The following CHD6 variants were observed in gnomAD, a reference collection of about 807,000 sequenced individuals.
CHD6 encodes the protein chromodomain helicase DNA binding protein 6.
Under a neutral mutation model 276.9 loss-of-function variants are expected in CHD6, and 50 were observed. That is an observed-to-expected ratio of 0.18 (90% CI 0.14 to 0.23). The LOEUF (loss-of-function observed/expected upper bound fraction) is 0.23. Among genes scored for constraint, CHD6 ranks in the 10% least tolerant of loss-of-function variants. The probability of loss-of-function intolerance (pLI) is 1.00; values close to 1 mark genes in which losing one functional copy is unlikely to be tolerated. For synonymous variants in CHD6, 1,173 were observed against 1,229.3 expected (o/e 0.95, Z 0.96); for missense variants, 2,564 against 3,365.8 (o/e 0.76, Z 5.89).
chr20:41,585,141 G>A (rs992558138), intron 1 of CHD6, among the ~76,000 whole-genome samples: 2 of 152,164 alleles, frequency 1.3e-5, no homozygotes, highest in East Asian at 1.9e-4. Flanking sequence ...GCAAATTTCT[G>A]TATATAAATT....
At chr20:41,410,064 G>A (rs114120339) in intron 36 of CHD6, among the ~76,000 whole-genome samples, 5,552 of 152,294 alleles carry the variant, frequency 0.036, 116 homozygotes, top group Middle Eastern at 0.061. Context: ...CAGCACGTGT[G>A]GCAGAAGGGC....
chr20:41,462,687 T>C (rs1261372020), intron 17 of CHD6, among the ~76,000 whole-genome samples: 3 of 152,234 alleles, frequency 2.0e-5, no homozygotes, highest in African/African-American at 7.2e-5. Flanking sequence ...TGTGTATTTA[T>C]ATACACACAT....
chr20:41,519,586 A>G (rs1374307287), intron 3 of CHD6, among the ~76,000 whole-genome samples: 1 of 152,238 alleles, frequency 6.6e-6, no homozygotes, highest in African/African-American at 2.4e-5. Flanking sequence ...ACAATTCCCT[A>G]TTTAATAAAT....
chr20:41,553,905 T>G (rs757531872), intron 1 of CHD6, among the ~76,000 whole-genome samples: 2 of 152,346 alleles, frequency 1.3e-5, no homozygotes, highest in Non-Finnish European at 2.9e-5. Context: ...ATCCCAGCAC[T>G]TTGGGAGGCC....
chr20:41,570,659 C>T (rs892168242), intron 1 of CHD6, among the ~76,000 whole-genome samples: 2 of 152,210 alleles, frequency 1.3e-5, no homozygotes, highest in African/African-American at 2.4e-5. Context: ...TCTCTATGTA[C>T]AAGAATACCA....
chr20:41,521,588 T>C (rs1340443181), intron 3 of CHD6, among the ~76,000 whole-genome samples: 1 of 151,732 alleles, frequency 6.6e-6, no homozygotes, highest in Non-Finnish European at 1.5e-5. Context: ...TGTGTGTACA[T>C]ATATTCATAT....
intron 10 of CHD6, among the ~76,000 whole-genome samples, chr20:41,493,110 T>C (rs1310294598): frequency 6.6e-6 from 1 of 152,040 alleles, no homozygotes; most frequent in African/African-American, 2.4e-5. Flanking sequence ...GATCTGCAGA[T>C]AAAGGACAGT....
At chr20:41,599,948 G>A (rs989932718) in intron 1 of CHD6, among the ~76,000 whole-genome samples, 3 of 152,192 alleles carry the variant, frequency 2.0e-5, no homozygotes, top group Non-Finnish European at 2.9e-5. Flanking sequence ...CACAGAAACA[G>A]GAACTATATA....
intron 3 of CHD6, among the ~76,000 whole-genome samples, chr20:41,517,962 A>T (rs1444883656): frequency 6.6e-6 from 1 of 152,240 alleles, no homozygotes; most frequent in Non-Finnish European, 1.5e-5. Flanking sequence ...TGTTATTTGA[A>T]TCTCAAAATA....
chr20:41,549,545 AT>A (rs1295412947), intron 2 of CHD6, among the ~76,000 whole-genome samples: 1 of 145,240 alleles, frequency 6.9e-6, no homozygotes, highest in Admixed American at 6.8e-5. Flanking sequence ...CTAATGCTAA[AT>A]GATGAGTTAA....
At chr20:41,611,765 G>A (rs1185297906) in intron 1 of CHD6, among the ~76,000 whole-genome samples, 1 of 152,158 alleles carries the variant, frequency 6.6e-6, no homozygotes, top group African/African-American at 2.4e-5. Flanking sequence ...AGCCTCTGGT[G>A]TAGCTGGGAT....
At chr20:41,585,662 A>G (rs1034576929) in intron 1 of CHD6, among the ~76,000 whole-genome samples, 1 of 152,176 alleles carries the variant, frequency 6.6e-6, no homozygotes, top group Non-Finnish European at 1.5e-5. Context: ...GGAAGAAATA[A>G]TATCAATTTT....
intron 17 of CHD6, among the ~76,000 whole-genome samples, chr20:41,468,575 T>C (rs1282171967): frequency 6.6e-6 from 1 of 152,232 alleles, no homozygotes; most frequent in Non-Finnish European, 1.5e-5. Flanking sequence ...ACACCTGGCA[T>C]GTCCCAGTGA....
chr20:41,605,767 C>CAAAAA (rs11467155), intron 1 of CHD6, among the ~76,000 whole-genome samples: 1 of 151,710 alleles, frequency 6.6e-6, no homozygotes, highest in East Asian at 1.9e-4. Flanking sequence ...GTAAAATTGA[C>CAAAAA]AAAATTTCAT....
At chr20:41,454,500 G>A (rs1005561839) in intron 20 of CHD6, 126 bp downstream of exon 20, 2 of 670,142 alleles carry the variant, frequency 3.0e-6, no homozygotes, top group Admixed American at 3.0e-5. Flanking sequence ...CATATTTTAA[G>A]CATGGTACAA....
In CHD6 at chr20:41,488,519, T is replaced by G; in HGVS notation, c.1766A>C (p.Lys589Thr). The change falls in exon 13 of 37, where the codon AAG becomes ACG. Residue 589 changes from lysine (K) to threonine (T), a missense_variant. This residue lies in a region of CHD6 where 457 missense variants were observed against 889.0 expected (regional missense o/e 0.51). Transcript: ENST00000373233. The stretch of plus-strand genomic sequence containing the variant: ...AATTATCACACAGCTCCAGTGAATC[T>G]TCTTCAACTCTGGGCAGTCTGCTAG... ...MILADCPELK[K>T]IHWSCVIIDE... 6.2e-7 allele frequency: 1 copy of G among 1,613,962 alleles called. No homozygotes were observed. The highest frequency in any genetic ancestry group is 8.5e-7 in the Non-Finnish European group (1 of 1,179,862).
intron 13 of CHD6, 152 bp downstream of exon 13, chr20:41,488,276 T>C (rs1437136356): frequency 4.3e-6 from 3 of 690,486 alleles, no homozygotes; most frequent in Non-Finnish European, 7.1e-6. Context: ...AAAATCTTAA[T>C]TCCTATACTA....
intron 15 of CHD6, 134 bp downstream of exon 15, chr20:41,484,218 A>T: frequency 8.7e-7 from 1 of 1,146,810 alleles, no homozygotes; most frequent in Non-Finnish European, 1.3e-6. Context: ...TCTCAGTTTT[A>T]TACTCTGTAA....
At chr20:41,532,959 G>C in intron 3 of CHD6, 91 bp downstream of exon 3, 1 of 1,406,680 alleles carries the variant, frequency 7.1e-7, no homozygotes, top group Non-Finnish European at 9.5e-7. Flanking sequence ...GAGTGCAGCA[G>C]GGTTATGCCT....
Sources: gnomAD v4.1 joint callset for allele counts (sites outside exome capture counted in the v4.1 genomes callset) on GRCh38, gnomAD v4.1.1 for gene constraint, gnomAD v4.1.1 regional missense constraint, MANE v1.5 for transcripts, NCBI Gene and HGNC (gene_info 2026-07-23, HGNC 2026-07-21) for gene names.